NKAIN2: variants seen among roughly 807,000 people sequenced by gnomAD.
NKAIN2 encodes sodium/potassium-transporting ATPase subunit beta-1-interacting protein 2.
NKAIN2 carries 14 observed loss-of-function variants against 32.6 expected under a neutral mutation model. The ratio of observed to expected loss-of-function variants is 0.43; its 90% confidence interval spans 0.28 to 0.67. The LOEUF (loss-of-function observed/expected upper bound fraction) is 0.67, where lower values mean the gene tolerates loss of function less well. Ranked by LOEUF, NKAIN2 falls within the 30% of genes least tolerant of loss-of-function variation. The probability of loss-of-function intolerance (pLI) is 0.17; values close to 1 mark genes in which losing one functional copy is unlikely to be tolerated. For missense variants in NKAIN2, 198 were observed against 258.3 expected (o/e 0.77, Z 1.60); for synonymous variants, 80 against 87.2 (o/e 0.92, Z 0.46).
chr6:124,454,995 CTATT>C (rs1469569589), intron 3 of NKAIN2, among the ~76,000 whole-genome samples: 29 of 151,892 alleles, frequency 1.9e-4, no homozygotes, highest in Admixed American at 1.9e-3. Context: ...AGAATTTTGT[CTATT>C]TATCAGCCCA....
At chr6:124,691,844 CA>C (rs1377011692) in intron 4 of NKAIN2, among the ~76,000 whole-genome samples, 15 of 152,124 alleles carry the variant, frequency 9.9e-5, no homozygotes, top group African/African-American at 3.6e-4. Flanking sequence ...AAGAAACAAA[CA>C]CACGGTAATA....
At chr6:124,266,275 G>C (rs1343526523) in intron 1 of NKAIN2, among the ~76,000 whole-genome samples, 5 of 152,004 alleles carry the variant, frequency 3.3e-5, no homozygotes, top group Non-Finnish European at 5.9e-5. Flanking sequence ...CTGAGATATG[G>C]CTGGCTTCTC....
intron 1 of NKAIN2, among the ~76,000 whole-genome samples, chr6:123,809,293 A>G (rs1411347894): frequency 6.6e-6 from 1 of 152,078 alleles, no homozygotes; most frequent in African/African-American, 2.4e-5. Context: ...TTTATTATCA[A>G]TATAATAAAA....
chr6:123,885,817 T>A (rs1328138071), intron 1 of NKAIN2, among the ~76,000 whole-genome samples: 1 of 151,832 alleles, frequency 6.6e-6, no homozygotes, highest in Non-Finnish European at 1.5e-5. Flanking sequence ...TGCACACAAA[T>A]ATAAGAAATA....
intron 3 of NKAIN2, among the ~76,000 whole-genome samples, chr6:124,378,809 A>G (rs1322318517): frequency 6.6e-6 from 1 of 151,702 alleles, no homozygotes; most frequent in African/African-American, 2.4e-5. Context: ...AAGAATGAGG[A>G]CTGAGAGCAG....
rs529665912 is a variant in NKAIN2 at position 124,785,216 on chromosome 6, AT to A, written c.475-6118del. 2.3e-3 allele frequency among the ~76,000 whole-genome samples: 351 copies of A among 151,804 alleles called. 1 individual carries two copies. Among genetic ancestry groups the A allele is most frequent in the African/African-American group, 8.2e-3 (340 of 41,446 alleles). On this transcript the variant is annotated intron_variant, in intron 4 of 6. Transcript: ENST00000368417. ...TGATTCTTTCCTCTGTCACCTCCAC[AT>A]TTTTCAGTTCTAAGTTTTCAGTTTG...
chr6:124,416,499 C>T (rs1436056656), intron 3 of NKAIN2, among the ~76,000 whole-genome samples: 3 of 152,036 alleles, frequency 2.0e-5, no homozygotes, highest in Non-Finnish European at 4.4e-5. Flanking sequence ...ATTAGCCAAG[C>T]GTGATGGCAT....
intron 1 of NKAIN2, among the ~76,000 whole-genome samples, chr6:124,239,894 C>G (rs960423165): frequency 6.6e-6 from 1 of 151,992 alleles, no homozygotes; most frequent in African/African-American, 2.4e-5. Flanking sequence ...TAACTAAGAT[C>G]AGAGCAGAAC....
chr6:124,556,829 A>G (rs957956673), intron 3 of NKAIN2, among the ~76,000 whole-genome samples: 25 of 152,198 alleles, frequency 1.6e-4, no homozygotes, highest in Admixed American at 1.4e-3. Flanking sequence ...AGGCCAGGGT[A>G]AGAATCCAAC....
intron 3 of NKAIN2, among the ~76,000 whole-genome samples, chr6:124,468,406 G>C (rs1257957261): frequency 6.6e-6 from 1 of 151,950 alleles, no homozygotes; most frequent in Non-Finnish European, 1.5e-5. Flanking sequence ...CTGCTAGTTG[G>C]CGAATCTTCT....
intron 3 of NKAIN2, among the ~76,000 whole-genome samples, chr6:124,449,526 G>T (rs906682280): frequency 3.9e-5 from 6 of 152,084 alleles, no homozygotes; most frequent in African/African-American, 1.4e-4. Context: ...TATCTTTTAG[G>T]TCAGGCAAAG....
chr6:124,328,608 A>G (rs1423935989), intron 2 of NKAIN2, among the ~76,000 whole-genome samples: 1 of 152,212 alleles, frequency 6.6e-6, no homozygotes, highest in Non-Finnish European at 1.5e-5. Flanking sequence ...ATATTGTAAA[A>G]GCAAAGCAGT....
chr6:124,665,645 T>C (rs1311798342), intron 4 of NKAIN2, among the ~76,000 whole-genome samples: 2 of 152,160 alleles, frequency 1.3e-5, no homozygotes, highest in Non-Finnish European at 2.9e-5. Flanking sequence ...ATCAGAAATA[T>C]TAGTGCCTTC....
chr6:123,828,889 G>C (rs2114907703), intron 1 of NKAIN2: 1 of 152,278 alleles, frequency 6.6e-6, no homozygotes, highest in South Asian at 2.1e-4. Flanking sequence ...CTTCAGGCCA[G>C]ATCAGGTTCC....
intron 4 of NKAIN2, among the ~76,000 whole-genome samples, chr6:124,697,738 G>C (rs1468931984): frequency 6.6e-6 from 1 of 152,042 alleles, no homozygotes; most frequent in Non-Finnish European, 1.5e-5. Context: ...CAAACATTAG[G>C]TAATATTTCT....
chr6:124,269,933 A>C (rs1794677348), intron 1 of NKAIN2, among the ~76,000 whole-genome samples: 1 of 152,182 alleles, frequency 6.6e-6, no homozygotes, highest in Admixed American at 6.5e-5. Flanking sequence ...AATTTTACGA[A>C]AGAGACGTCA....
intron 1 of NKAIN2, among the ~76,000 whole-genome samples, chr6:123,942,797 T>A (rs932709633): frequency 1.3e-5 from 2 of 152,042 alleles, no homozygotes; most frequent in Admixed American, 6.6e-5. Context: ...TTAACAAACC[T>A]TATCAATAGC....
chr6:124,679,828 T>C (rs1041608444), intron 4 of NKAIN2, among the ~76,000 whole-genome samples: 4 of 152,306 alleles, frequency 2.6e-5, no homozygotes, highest in Admixed American at 2.6e-4. Flanking sequence ...TGACAGGAAC[T>C]AGGCAGGTTT....
At chr6:124,739,269 G>A (rs1777091184) in intron 4 of NKAIN2, among the ~76,000 whole-genome samples, 1 of 151,812 alleles carries the variant, frequency 6.6e-6, no homozygotes, top group African/African-American at 2.4e-5. Flanking sequence ...AGCTCTCATA[G>A]ACCATTGAAA....
Sources: allele counts gnomAD v4.1 joint callset (sites outside exome capture counted in the v4.1 genomes callset), GRCh38; gene constraint gnomAD v4.1.1; transcripts MANE v1.5; gene names NCBI Gene and HGNC (gene_info 2026-07-23, HGNC 2026-07-21).